The following THNSL1 variants were observed in gnomAD, a reference collection of about 807,000 sequenced individuals.
The protein encoded by THNSL1 is threonine synthase like 1, also known as threonine synthase-like 1.
THNSL1 carries 48 observed loss-of-function variants against 50.4 expected under a neutral mutation model. That is an observed-to-expected ratio of 0.95 (90% CI 0.76 to 1.21). The LOEUF (loss-of-function observed/expected upper bound fraction) is 1.21, where lower values mean the gene tolerates loss of function less well. THNSL1 is among the 50% of genes most tolerant of loss of function. The pLI, the probability that THNSL1 is intolerant of heterozygous loss-of-function variation, is 0.00. For synonymous variants in THNSL1, 309 were observed against 306.1 expected, an observed-to-expected ratio of 1.01 and a Z score of -0.10; for missense variants, 896 against 871.7, an observed-to-expected ratio of 1.03 and a Z score of -0.35.
chr10:25,016,244 A>C, upstream of THNSL1: 1 of 1,009,754 alleles, frequency 9.9e-7, no homozygotes, highest in South Asian at 4.7e-5. Context: ...CTCTTTCTGC[A>C]GCGCCTTCTG....
the THNSL1 span, among the ~76,000 whole-genome samples, chr10:24,952,791 G>T: frequency 6.6e-6 from 1 of 151,508 alleles, no homozygotes; most frequent in Non-Finnish European, 1.5e-5. This position sits in a 1 kb window ranked among gnomAD's most constrained non-coding sequence, Gnocchi z 5.1. Flanking sequence ...GCTAGGCCGC[G>T]GGGGCGCGGG....
the THNSL1 span, among the ~76,000 whole-genome samples, chr10:25,009,215 C>A: frequency 6.6e-6 from 1 of 152,006 alleles, no homozygotes; most frequent in Non-Finnish European, 1.5e-5. Flanking sequence ...TGTAACAAAC[C>A]TGCACATTGT....
At chr10:24,967,345 G>A in the THNSL1 span, among the ~76,000 whole-genome samples, 3 of 152,126 alleles carry the variant, frequency 2.0e-5, no homozygotes, top group African/African-American at 7.2e-5. Flanking sequence ...GTACCACCTG[G>A]TCTGCCTTTA....
the THNSL1 span, among the ~76,000 whole-genome samples, chr10:25,010,506 C>T: frequency 6.6e-6 from 1 of 151,754 alleles, no homozygotes; most frequent in African/African-American, 2.4e-5. Context: ...AGGTTAGTTA[C>T]ATATGTATAC....
Position 25,025,014 on chromosome 10 carries a change from G to A in THNSL1, c.1791G>A (p.Gln597=), listed in dbSNP as rs781387743. The stretch of plus-strand genomic sequence containing the variant: ...AATTATTTAATCGATTAGAAAGTCA[G>A]CATCATTTCCAGATAGAAAAGGCTC... ...MTELFNRLES[Q]HHFQIEKALV... is the part of the protein sequence containing the mutation. Residue 597 remains glutamine, a synonymous_variant, in exon 3 of 3, where the codon CAG becomes CAA. Transcript: ENST00000376356. The A allele has an allele frequency of 6.2e-7, 1 of 1,614,236 alleles. No homozygotes were observed. Among genetic ancestry groups the A allele is most frequent in the South Asian group, 1.1e-5 (1 of 91,084 alleles).
At chr10:24,982,041 C>T in the THNSL1 span, 1 of 152,158 alleles carries the variant, frequency 6.6e-6, no homozygotes, top group African/African-American at 2.4e-5. Context: ...CTTCTCTATA[C>T]CAGCTGTTAT....
At chr10:25,015,764 T>G, upstream of THNSL1, 1 of 1,148,478 alleles carries the variant, frequency 8.7e-7, no homozygotes. Context: ...AAAATACATT[T>G]TATTTATTAT....
upstream of THNSL1, among the ~76,000 whole-genome samples, chr10:25,012,445 C>T (rs960089050): frequency 1.3e-4 from 20 of 152,150 alleles, no homozygotes; most frequent in Admixed American, 1.0e-3. Flanking sequence ...TGAAAGCAGC[C>T]GGAATGGGGG....
At chr10:24,991,499 C>T in the THNSL1 span, among the ~76,000 whole-genome samples, 2 of 151,768 alleles carry the variant, frequency 1.3e-5, no homozygotes, top group African/African-American at 4.8e-5. Context: ...TTGACAGGGG[C>T]GTGCCAACAA....
At chr10:24,990,588 A>T in the THNSL1 span, 1 of 1,607,592 alleles carries the variant, frequency 6.2e-7, no homozygotes, top group Non-Finnish European at 8.5e-7. Context: ...TTACATATGT[A>T]TTCAGGTGTG....
At chr10:24,974,242 T>G in the THNSL1 span, among the ~76,000 whole-genome samples, 1 of 152,138 alleles carries the variant, frequency 6.6e-6, no homozygotes, top group Admixed American at 6.5e-5. Context: ...AACATTTGAA[T>G]AAATTGTCTA....
the THNSL1 span, chr10:24,995,775 T>C: frequency 1.2e-6 from 2 of 1,613,972 alleles, no homozygotes; most frequent in Non-Finnish European, 1.7e-6. Flanking sequence ...CATTTGTATT[T>C]ATAAAATTTT....
In THNSL1 at chr10:25,024,448, G is replaced by T; in HGVS notation, c.1225G>T (p.Glu409Ter). ...QRIAVVAFFP[E>*]NGVSDFQKAQ... ...GATAGCTGTGGTTGCATTTTTTCCT[G>T]AGAATGGAGTAAGTGATTTTCAAAA... The change falls in exon 3 of 3, where the codon GAG (glutamate) becomes TAG (stop). Residue 409 changes from glutamate (E) to a stop codon, truncating the protein, a stop_gained. Coordinates refer to ENST00000376356, the MANE Select transcript of THNSL1 (RefSeq NM_024838.5). LOFTEE classifies it high-confidence loss of function. The T allele has an allele frequency of 6.2e-7, 1 of 1,614,044 alleles. No homozygotes were observed. The highest frequency in any genetic ancestry group is 8.5e-7 in the Non-Finnish European group (1 of 1,180,026).
At position 25,025,255 on chromosome 10, in the gene THNSL1, G is replaced by A; in HGVS notation, c.2032G>A (p.Ala678Thr). 1 of 1,614,152 alleles carries A rather than the reference G, an allele frequency of 6.2e-7. No homozygotes were observed. Among genetic ancestry groups the A allele is most frequent in the Non-Finnish European group, 8.5e-7 (1 of 1,180,026 alleles). ...YSKFAPAIMQ[A>T]LKIKEINETS... The stretch of plus-strand genomic sequence containing the variant: ...AAAGTTTGCACCTGCTATCATGCAG[G>A]CTTTAAAGATTAAAGAAATCAATGA... Residue 678 changes from alanine to threonine, a missense_variant, in exon 3 of 3, where the codon GCT becomes ACT. Ala to Thr is a moderately conservative substitution (Grantham distance 58). Coordinates refer to ENST00000376356, the MANE Select transcript of THNSL1 (RefSeq NM_024838.5).
intron 1 of THNSL1, among the ~76,000 whole-genome samples, chr10:25,017,531 A>G (rs1367974585): frequency 1.4e-5 from 2 of 146,038 alleles, no homozygotes. Flanking sequence ...TGAACCTTTT[A>G]GTTCCTGTAT....
the THNSL1 span, among the ~76,000 whole-genome samples, chr10:24,992,850 G>A: frequency 6.6e-6 from 1 of 152,206 alleles, no homozygotes; most frequent in East Asian, 1.9e-4. Flanking sequence ...CAGTATTCTG[G>A]TCAGCTGGTG....
chr10:25,014,045 A>C (rs1290428413), upstream of THNSL1, among the ~76,000 whole-genome samples: 1 of 152,180 alleles, frequency 6.6e-6, no homozygotes, highest in Non-Finnish European at 1.5e-5. Flanking sequence ...CTGAATCATG[A>C]CTTCCCATTG....
At chr10:24,972,043 T>A in the THNSL1 span, among the ~76,000 whole-genome samples, 1 of 150,216 alleles carries the variant, frequency 6.7e-6, no homozygotes, top group African/African-American at 2.5e-5. Flanking sequence ...ATACAAAAAA[T>A]TAGCTGGGCG....
chr10:24,959,865 CATAG>C, the THNSL1 span, among the ~76,000 whole-genome samples: 1 of 152,102 alleles, frequency 6.6e-6, no homozygotes, highest in African/African-American at 2.4e-5. Context: ...TCAAATTGTG[CATAG>C]ATATTTTCTC....
Sources: allele counts gnomAD v4.1 joint callset (sites outside exome capture counted in the v4.1 genomes callset), GRCh38; gene constraint gnomAD v4.1.1; non-coding constraint Gnocchi (gnomAD v3.1); transcripts MANE v1.5; gene names NCBI Gene and HGNC (gene_info 2026-07-23, HGNC 2026-07-21).